Variants in SLC37A1 observed in about 807,000 individuals in gnomAD.
SLC37A1 encodes solute carrier family 37 member 1.
A neutral mutation model predicts 75.3 loss-of-function variants in SLC37A1; 49 were observed. That is an observed-to-expected ratio of 0.65 (90% CI 0.52 to 0.83). SLC37A1 has a LOEUF of 0.83. Ranked by LOEUF, SLC37A1 falls within the 40% of genes least tolerant of loss-of-function variation. The pLI, the probability that SLC37A1 is intolerant of heterozygous loss-of-function variation, is 0.00. For synonymous variants in SLC37A1, 268 were observed against 292.1 expected (o/e 0.92, Z 0.84); for missense variants, 566 against 695.0 (o/e 0.81, Z 2.09).
intron 1 of SLC37A1, among the ~76,000 whole-genome samples, chr21:42,517,646 C>T (rs572694789): frequency 1.3e-5 from 2 of 152,250 alleles, no homozygotes; most frequent in East Asian, 3.9e-4. Context: ...AGTTCTCTGG[C>T]CTCCCTCCCC....
chr21:42,529,837 C>T (rs1369134013), intron 3 of SLC37A1, among the ~76,000 whole-genome samples: 1 of 152,186 alleles, frequency 6.6e-6, no homozygotes, highest in Non-Finnish European at 1.5e-5. Context: ...GCGCTATTCA[C>T]TGGTCGTGAG....
In SLC37A1 at chr21:42,523,106, A is replaced by G. The variant is rs373419560; in HGVS notation, c.57-2670A>G. Among the ~76,000 whole-genome samples, 15 of 152,362 alleles carry G rather than the reference A, an allele frequency of 9.8e-5. 4 individuals are homozygous for G. The highest frequency in any genetic ancestry group is 1.9e-4 in the East Asian group (1 of 5,190). Reference sequence around the variant, plus strand: ...GAGTGGAGATGTGAACCCACAGCCCATAGGACAGAGCTGCTCTTCTCAAAA... The same window carrying G: ...GAGTGGAGATGTGAACCCACAGCCCGTAGGACAGAGCTGCTCTTCTCAAAA... On this transcript the variant is annotated intron_variant, in intron 2 of 19. Transcript: ENST00000352133.
intron 17 of SLC37A1, among the ~76,000 whole-genome samples, chr21:42,574,037 GCACA>G (rs760251796): frequency 3.9e-5 from 6 of 152,092 alleles, no homozygotes; most frequent in South Asian, 2.1e-4. Context: ...ACACACACAT[GCACA>G]CACACATATA....
intron 7 of SLC37A1, among the ~76,000 whole-genome samples, chr21:42,543,233 G>A (rs146165466): frequency 5.3e-5 from 8 of 152,362 alleles, no homozygotes; most frequent in Non-Finnish European, 1.2e-4. Flanking sequence ...GGTAGAATGG[G>A]TGATGGCACA....
At chr21:42,524,230 A>C (rs970081368) in intron 2 of SLC37A1, among the ~76,000 whole-genome samples, 24 of 152,226 alleles carry the variant, frequency 1.6e-4, no homozygotes, top group African/African-American at 5.8e-4. Flanking sequence ...AGGACACAGA[A>C]GAGCTGCCCC....
chr21:42,566,009 C>CA, intron 15 of SLC37A1, 134 bp downstream of exon 15: 1 of 847,080 alleles, frequency 1.2e-6, no homozygotes. Flanking sequence ...TAAAATTGTC[C>CA]GTGTCCTCCT....
Position 42,555,508 on chromosome 21 carries a change from G to A in SLC37A1, c.849+1366G>A, listed in dbSNP as rs372740031. On this transcript the variant is annotated intron_variant, in intron 10 of 19. Coordinates refer to ENST00000352133, the MANE Select transcript of SLC37A1 (RefSeq NM_001320537.2). ...GAAGAATGATGTCTCGTGCATCTGG[G>A]TTCTTGGATTTTAGGGAGACAGTAG... is the stretch of plus-strand genomic sequence containing the variant. 4.6e-5 allele frequency among the ~76,000 whole-genome samples: 7 copies of A among 152,322 alleles called. No homozygotes were observed. In the East Asian group the frequency reaches 1.2e-3, roughly 25 times the overall value.
chr21:42,549,738 C>A (rs540922975), intron 9 of SLC37A1, among the ~76,000 whole-genome samples: 3 of 152,272 alleles, frequency 2.0e-5, no homozygotes, highest in Admixed American at 6.5e-5. Flanking sequence ...CAAATGGGAG[C>A]TTTTGGGCAA....
chr21:42,537,226 T>C (rs1351231338), intron 5 of SLC37A1, among the ~76,000 whole-genome samples: 1 of 152,128 alleles, frequency 6.6e-6, no homozygotes, highest in Non-Finnish European at 1.5e-5. Context: ...AGTGAACAAA[T>C]GAATAATAAA....
intron 3 of SLC37A1, among the ~76,000 whole-genome samples, chr21:42,529,399 C>A (rs747775017): frequency 1.6e-4 from 24 of 152,018 alleles, no homozygotes; most frequent in Admixed American, 7.2e-4. Context: ...ACTAAATGTA[C>A]AAAAGTGAGC....
At chr21:42,555,905 C>A (rs1601739470) in intron 10 of SLC37A1, among the ~76,000 whole-genome samples, 1 of 152,326 alleles carries the variant, frequency 6.6e-6, no homozygotes, top group Non-Finnish European at 1.5e-5. Context: ...TTTCGGCGGG[C>A]CTGCCATTGC....
Position 42,580,954 on chromosome 21 carries a change from T to C in SLC37A1, c.*594T>C, listed in dbSNP as rs454849. ...AGGCTTTTCCAGCACCCATGATGTT[T>C]CGGACTGACCTAAAAACTAATTGTC... On this transcript the variant is annotated 3_prime_UTR_variant, in exon 20 of 20. Transcript: ENST00000352133. The C allele has an allele frequency of 0.72, 111,310 of 155,070 alleles. 40,743 individuals carry two copies. The highest frequency in any genetic ancestry group is 0.79 in the Admixed American group (12,434 of 15,746). 9.6% of individuals were successfully genotyped at this position (155,070 alleles called of 1,614,324 possible).
intron 10 of SLC37A1, among the ~76,000 whole-genome samples, chr21:42,557,394 G>T (rs1391752336): frequency 6.6e-6 from 1 of 152,282 alleles, no homozygotes; most frequent in Non-Finnish European, 1.5e-5. Context: ...TAAACTGGAC[G>T]ATTAGCAGAA....
chr21:42,523,831 A>G (rs1224297688), intron 2 of SLC37A1, among the ~76,000 whole-genome samples: 2 of 151,514 alleles, frequency 1.3e-5, no homozygotes, highest in Non-Finnish European at 2.9e-5. Flanking sequence ...AGGCACAGGC[A>G]TTCCAAAGGT....
intron 9 of SLC37A1, among the ~76,000 whole-genome samples, chr21:42,551,601 G>C (rs1448593835): frequency 4.6e-5 from 7 of 152,188 alleles, no homozygotes; most frequent in Non-Finnish European, 1.0e-4. Context: ...TGTGAATTCT[G>C]TCTCAACAAT....
intron 2 of SLC37A1, among the ~76,000 whole-genome samples, chr21:42,506,124 A>G (rs375567925): frequency 8.1e-4 from 124 of 152,170 alleles, no homozygotes; most frequent in African/African-American, 2.8e-3. Context: ...CAATGTTGAT[A>G]CTCTTGAATT....
At chr21:42,524,273 C>T (rs2054724493) in intron 2 of SLC37A1, among the ~76,000 whole-genome samples, 1 of 151,920 alleles carries the variant, frequency 6.6e-6, no homozygotes, top group African/African-American at 2.4e-5. Flanking sequence ...ACTTCTTTCT[C>T]CCAACCCATT....
In SLC37A1 at chr21:42,566,441, G is replaced by A. The variant is rs113518111; in HGVS notation, c.1271-544G>A. 1.8e-3 allele frequency among the ~76,000 whole-genome samples: 275 copies of A among 152,362 alleles called. 1 individual carries two copies. The highest frequency in any genetic ancestry group is 3.4e-3 in the Middle Eastern group (1 of 294). Reference sequence around the variant, plus strand: ...CTATTTTGAACACCCTGCAGGCAGCGCTATCAAACTATGCCTCCAGCACTT... The same window carrying A: ...CTATTTTGAACACCCTGCAGGCAGCACTATCAAACTATGCCTCCAGCACTT... On this transcript the variant is annotated intron_variant, in intron 15 of 19. Transcript: ENST00000352133.
At chr21:42,519,964 T>TGTGTG (rs1555879905) in intron 2 of SLC37A1, among the ~76,000 whole-genome samples, 3,395 of 148,644 alleles carry the variant, frequency 0.023, 118 homozygotes, top group African/African-American at 0.079. Context: ...CACAGTGTGT[T>TGTGTG]TGTGTGTGTG....
Sources: allele counts gnomAD v4.1 joint callset (sites outside exome capture counted in the v4.1 genomes callset), GRCh38; gene constraint gnomAD v4.1.1; transcripts MANE v1.5; gene names NCBI Gene and HGNC (gene_info 2026-07-23, HGNC 2026-07-21).